Variants in PPP1R12B observed in about 807,000 individuals in gnomAD.
PPP1R12B encodes the protein protein phosphatase 1 regulatory subunit 12B.
A neutral mutation model predicts 126.1 loss-of-function variants in PPP1R12B; 76 were observed. The ratio of observed to expected loss-of-function variants is 0.60; its 90% CI spans 0.50 to 0.73. The LOEUF (loss-of-function observed/expected upper bound fraction) is 0.73, where lower values mean the gene tolerates loss of function less well. Ranked by LOEUF, PPP1R12B falls within the 30% of genes least tolerant of loss-of-function variation. The pLI, the probability that PPP1R12B is intolerant of heterozygous loss-of-function variation, is 0.00. For missense variants in PPP1R12B, 1,052 were observed against 1,205.1 expected (o/e 0.87, Z 1.88); for synonymous variants, 356 against 434.7 (o/e 0.82, Z 2.25).
In PPP1R12B at chr1:202,442,419, GTT is replaced by G. The variant is rs576047171; in HGVS notation, c.1542-25_1542-24del. The G allele has an allele frequency of 3.4e-4, 546 of 1,598,526 alleles. 7 individuals are homozygous for G. The South Asian group carries it at 5.5e-3, about 16-fold the overall frequency. On this transcript the variant is annotated intron_variant, in intron 11 of 23. Coordinates refer to ENST00000608999, the MANE Select transcript of PPP1R12B (RefSeq NM_002481.4). ...ACAAAAACTGGTGGTAGGAATCAGTGTTTTGTTTTCCTTTCATGCTTCTACAG... is the reference window on the plus strand; with the variant it reads ...ACAAAAACTGGTGGTAGGAATCAGTGTTGTTTTCCTTTCATGCTTCTACAG...
chr1:202,408,627 T>G (rs1189926396), intron 1 of PPP1R12B, among the ~76,000 whole-genome samples: 2 of 152,166 alleles, frequency 1.3e-5, no homozygotes, highest in African/African-American at 4.8e-5. Context: ...CCCACAGTTC[T>G]GGAGTCCAGA....
chr1:202,430,756 A>G lies in PPP1R12B; in HGVS notation c.947A>G (p.Asn316Ser). 1.9e-6 allele frequency: 3 copies of G among 1,613,528 alleles called. No homozygotes were observed. In the South Asian group the frequency reaches 3.3e-5, roughly 18 times the overall value. The stretch of plus-strand genomic sequence containing the variant: ...CTTCGAAGTGAAAAGGAGACACGGA[A>G]TAAACTCATTGAGTCAGATCTGAAC... ...NVLRSEKETR[N>S]KLIESDLNSK... Residue 316 changes from asparagine to serine, a missense_variant, in exon 7 of 24, where the codon AAT becomes AGT. By Grantham distance (46) the Asn-to-Ser change is conservative. Coordinates refer to ENST00000608999, the MANE Select transcript of PPP1R12B (RefSeq NM_002481.4).
chr1:202,573,080 AT>A (rs1305975529), intron 23 of PPP1R12B, among the ~76,000 whole-genome samples: 6 of 152,220 alleles, frequency 3.9e-5, no homozygotes, highest in African/African-American at 1.4e-4. Context: ...TTATTTGATA[AT>A]GATTATGTTG....
intron 1 of PPP1R12B, among the ~76,000 whole-genome samples, chr1:202,359,035 G>A (rs1657646265): frequency 6.6e-6 from 1 of 152,190 alleles, no homozygotes; most frequent in Admixed American, 6.5e-5. Context: ...TAGAGAGAAT[G>A]GTATAATGAA....
chr1:202,575,364 A>G, intron 23 of PPP1R12B: 1 of 532,342 alleles, frequency 1.9e-6, no homozygotes, highest in East Asian at 3.0e-5. Context: ...CAGCTGGGCT[A>G]CCAATATATT....
intron 1 of PPP1R12B, among the ~76,000 whole-genome samples, chr1:202,376,800 A>G (rs928201837): frequency 6.6e-6 from 1 of 152,134 alleles, no homozygotes; most frequent in Non-Finnish European, 1.5e-5. Context: ...CATCAGAGAC[A>G]ATTTTTTTCA....
chr1:202,411,496 C>G (rs1417499069), intron 1 of PPP1R12B, among the ~76,000 whole-genome samples: 1 of 149,404 alleles, frequency 6.7e-6, no homozygotes, highest in Non-Finnish European at 1.5e-5. Flanking sequence ...CAGAATCTTG[C>G]TAGTTCAAAG....
intron 18 of PPP1R12B, among the ~76,000 whole-genome samples, chr1:202,528,690 C>T (rs530005344): frequency 6.6e-6 from 1 of 151,868 alleles, no homozygotes; most frequent in Non-Finnish European, 1.5e-5. Flanking sequence ...GCTGAAGAAA[C>T]TTTATTTCTG....
intron 18 of PPP1R12B, among the ~76,000 whole-genome samples, chr1:202,510,949 A>G (rs933787650): frequency 1.0e-4 from 15 of 146,390 alleles, no homozygotes; most frequent in African/African-American, 3.7e-4. Flanking sequence ...TTATAATATA[A>G]TTTATATGTA....
chr1:202,405,969 T>C (rs1666547926), intron 1 of PPP1R12B, among the ~76,000 whole-genome samples: 1 of 152,246 alleles, frequency 6.6e-6, no homozygotes, highest in African/African-American at 2.4e-5. Context: ...GGTGTGCTGA[T>C]TTATACTTTC....
At chr1:202,350,920 C>G (rs1053432732) in intron 1 of PPP1R12B, among the ~76,000 whole-genome samples, 10 of 152,046 alleles carry the variant, frequency 6.6e-5, no homozygotes, top group Non-Finnish European at 1.2e-4. Flanking sequence ...TGTGCCTGGC[C>G]TAGTAATCTA....
At chr1:202,505,662 A>G (rs1200717903) in intron 18 of PPP1R12B, among the ~76,000 whole-genome samples, 1 of 152,194 alleles carries the variant, frequency 6.6e-6, no homozygotes, top group African/African-American at 2.4e-5. Context: ...GAGTTAGAAC[A>G]ACAGTTTGTC....
chr1:202,553,613 A>G (rs572432793), intron 18 of PPP1R12B, among the ~76,000 whole-genome samples: 2 of 152,330 alleles, frequency 1.3e-5, no homozygotes, highest in East Asian at 3.9e-4. Flanking sequence ...GAGGGAGTGT[A>G]CAGAGGAGGA....
intron 1 of PPP1R12B, among the ~76,000 whole-genome samples, chr1:202,351,234 TTGTTGTTTA>T: frequency 6.7e-6 from 1 of 150,188 alleles, no homozygotes; most frequent in African/African-American, 2.5e-5. Context: ...GTTGTTGTTG[TTGTTGTTTA>T]AAAAAAAAAA....
intron 23 of PPP1R12B, among the ~76,000 whole-genome samples, chr1:202,573,499 T>G (rs1688802874): frequency 6.6e-6 from 1 of 152,154 alleles, no homozygotes; most frequent in African/African-American, 2.4e-5. Flanking sequence ...TATGAGAGAC[T>G]TTTCTCTGAT....
intron 13 of PPP1R12B, among the ~76,000 whole-genome samples, chr1:202,484,977 G>T (rs1175350827): frequency 1.3e-5 from 2 of 152,210 alleles, no homozygotes; most frequent in African/African-American, 2.4e-5. Flanking sequence ...AGGCACAGTG[G>T]TGTGTGGCCA....
rs6666449 is a variant in PPP1R12B at position 202,540,421 on chromosome 1, C to T, written c.2491-18456C>T. 6.2e-3 allele frequency among the ~76,000 whole-genome samples: 946 copies of T among 152,274 alleles called. 8 individuals are homozygous for T. Among genetic ancestry groups the T allele is most frequent in the African/African-American group, 0.022 (907 of 41,548 alleles). On this transcript the variant is annotated intron_variant, in intron 18 of 23. Transcript: ENST00000608999. ...AGTTTCTCTGCAAGAGGTTATGGTT[C>T]ATAATACTTAATGTAGTCTTAAGTA...
At chr1:202,563,271 C>G (rs897831729) in intron 20 of PPP1R12B, among the ~76,000 whole-genome samples, 1 of 152,160 alleles carries the variant, frequency 6.6e-6, no homozygotes, top group South Asian at 2.1e-4. Flanking sequence ...CATGCACCAC[C>G]ACACACGGCT....
intron 18 of PPP1R12B, chr1:202,540,206 C>T: frequency 1.2e-6 from 2 of 1,610,266 alleles, no homozygotes; most frequent in Non-Finnish European, 1.7e-6. Flanking sequence ...TGATTCTCCC[C>T]CAGCATCTCC....
Sources: gnomAD v4.1 joint callset for allele counts (sites outside exome capture counted in the v4.1 genomes callset) on GRCh38, gnomAD v4.1.1 for gene constraint, MANE v1.5 for transcripts, NCBI Gene and HGNC (gene_info 2026-07-23, HGNC 2026-07-21) for gene names.